The following TUB variants were observed in gnomAD, a reference collection of about 807,000 sequenced individuals.
TUB encodes tubby protein homolog.
TUB carries 33 observed loss-of-function variants against 59.7 expected under a neutral mutation model. The observed-to-expected ratio is 0.55, with a 90% CI of 0.42 to 0.74. The LOEUF is 0.74. Ranked by LOEUF, TUB falls within the 30% of genes least tolerant of loss-of-function variation. TUB has a pLI of 0.00. For synonymous variants in TUB, 293 were observed against 256.4 expected (o/e 1.14, Z -1.36); for missense variants, 659 against 672.0 (o/e 0.98, Z 0.21).
At chr11:8,071,599 G>A (rs540875221) in intron 2 of TUB, among the ~76,000 whole-genome samples, 1 of 152,292 alleles carries the variant, frequency 6.6e-6, no homozygotes, top group South Asian at 2.1e-4. Flanking sequence ...AAGGAGCAAG[G>A]GAAGTTTTAT....
chr11:8,099,025 G>C (rs1415242918), intron 9 of TUB, 150 bp downstream of exon 9: 6 of 666,242 alleles, frequency 9.0e-6, no homozygotes, highest in Non-Finnish European at 1.6e-5. Context: ...CCTGGCCTAG[G>C]ACAGGGGCTC....
At chr11:8,088,248 G>A (rs1001299666) in intron 1 of TUB, among the ~76,000 whole-genome samples, 1 of 152,190 alleles carries the variant, frequency 6.6e-6, no homozygotes, top group Admixed American at 6.5e-5. Flanking sequence ...GGCCAAGGTG[G>A]TGGGCAGTCT....
chr11:8,033,114 G>C (rs1942599928), intron 1 of TUB, among the ~76,000 whole-genome samples: 1 of 152,176 alleles, frequency 6.6e-6, no homozygotes, highest in Admixed American at 6.5e-5. Flanking sequence ...GAGACAGGGA[G>C]CTCCAGAGGC....
Position 8,103,570 on chromosome 11 carries a change from C to G in TUB, c.*1951C>G, listed in dbSNP as rs1944396179. ...CTGCCCACACCTCGGCCGTACATCT[C>G]TGTGAGAGACCCCCTCCAACGATTA... On this transcript the variant is annotated 3_prime_UTR_variant, in exon 12 of 12. Transcript: ENST00000299506. 1 of 152,664 alleles carries G rather than the reference C, an allele frequency of 6.6e-6. No homozygotes were observed. Among genetic ancestry groups the G allele is most frequent in the East Asian group, 1.9e-4 (1 of 5,190 alleles). The allele number at this position is 152,664 out of a possible 1,614,324, so 9.5% of individuals were successfully genotyped here.
At chr11:8,027,352 A>C (rs1942513523) in intron 1 of TUB, among the ~76,000 whole-genome samples, 1 of 152,192 alleles carries the variant, frequency 6.6e-6, no homozygotes. Context: ...ATTTCGTATA[A>C]CGAAATCATA....
chr11:8,075,984 GT>G (rs1294147862), intron 2 of TUB: 2 of 152,216 alleles, frequency 1.3e-5, no homozygotes, highest in Non-Finnish European at 2.9e-5. Flanking sequence ...CATCGCTGGA[GT>G]CTCACCCTGC....
chr11:8,081,885 G>A (rs1329371625), intron 1 of TUB, among the ~76,000 whole-genome samples: 2 of 152,190 alleles, frequency 1.3e-5, no homozygotes, highest in Non-Finnish European at 2.9e-5. Flanking sequence ...CCTGTGCAGG[G>A]TGCGCGCACA....
chr11:8,081,794 C>T (rs545449853), intron 1 of TUB, among the ~76,000 whole-genome samples: 1 of 152,330 alleles, frequency 6.6e-6, no homozygotes, highest in East Asian at 1.9e-4. Context: ...CTTGTTGGGT[C>T]AGGCAGCACC....
intron 1 of TUB, among the ~76,000 whole-genome samples, chr11:8,028,459 T>A (rs1052057074): frequency 2.0e-5 from 3 of 152,238 alleles, no homozygotes; most frequent in African/African-American, 7.2e-5. Flanking sequence ...TTGTCTTTTT[T>A]CTGTTGGTTA....
intron 1 of TUB, among the ~76,000 whole-genome samples, chr11:8,082,263 G>A (rs7949525): frequency 0.047 from 7,208 of 152,260 alleles, 545 homozygotes; most frequent in African/African-American, 0.16. Flanking sequence ...CATGCAGAAA[G>A]GCACTCAAGA....
upstream of TUB, among the ~76,000 whole-genome samples, chr11:8,035,037 C>T (rs190108457): frequency 4.1e-3 from 620 of 152,368 alleles, 8 homozygotes; most frequent in African/African-American, 0.014. Context: ...CTCCTTCCTG[C>T]TCCTGACTCA....
intron 2 of TUB, among the ~76,000 whole-genome samples, chr11:8,066,107 G>A (rs1211078425): frequency 6.6e-6 from 1 of 152,172 alleles, no homozygotes; most frequent in East Asian, 1.9e-4. Flanking sequence ...AGGGGCCCGG[G>A]GGGAGGCTGC....
chr11:8,089,970 T>G, intron 2 of TUB, 99 bp from the exon 3 acceptor site: 1 of 1,436,268 alleles, frequency 7.0e-7, no homozygotes, highest in Non-Finnish European at 9.2e-7. Flanking sequence ...GCCAAGGACA[T>G]GGGGCCTTGG....
At chr11:8,097,974 A>G in intron 8 of TUB, 148 bp downstream of exon 8, 1 of 655,754 alleles carries the variant, frequency 1.5e-6, no homozygotes, top group East Asian at 2.7e-5. Flanking sequence ...ATCCAACTGG[A>G]GGCCTATGTC....
intron 2 of TUB, among the ~76,000 whole-genome samples, chr11:8,075,018 T>C (rs1382300298): frequency 6.6e-6 from 1 of 152,056 alleles, no homozygotes; most frequent in African/African-American, 2.4e-5. Flanking sequence ...GTGCTGGGGT[T>C]ACAGGCAGGA....
chr11:8,020,108 C>T (rs1057380726), intron 1 of TUB, among the ~76,000 whole-genome samples: 2 of 152,248 alleles, frequency 1.3e-5, no homozygotes, highest in African/African-American at 2.4e-5. Flanking sequence ...TAGGTTATGC[C>T]TGTTCTACCT....
intron 1 of TUB, among the ~76,000 whole-genome samples, chr11:8,025,330 G>C (rs1942486005): frequency 6.6e-6 from 1 of 152,162 alleles, no homozygotes; most frequent in East Asian, 1.9e-4. Flanking sequence ...AGAGCTGAAA[G>C]AGGCGAGGGA....
Position 8,081,657 on chromosome 11 carries a change from G to C in TUB, c.38+109G>C, listed in dbSNP as rs536962536. The C allele has an allele frequency of 2.0e-5, 24 of 1,217,326 alleles. No homozygotes were observed. The South Asian group carries it at 5.1e-4, about 26-fold the overall frequency. 75.4% of individuals were successfully genotyped at this position (1,217,326 alleles called of 1,614,324 possible). A position where few individuals can be genotyped will look rare whatever the true frequency, so the allele number is the denominator to read the frequency against. On this transcript the variant is annotated intron_variant, in intron 1 of 11. Coordinates refer to ENST00000299506, the MANE Select transcript of TUB (RefSeq NM_177972.3). ...ACCGCTGCCCTCCCCACCTATCCCA[G>C]CACTGGGGCGCGGGTTGGAGTCGCT... is the stretch of plus-strand genomic sequence containing the variant.
chr11:8,096,567 A>C (rs1169812652), intron 5 of TUB, 118 bp from the exon 6 acceptor site: 10 of 736,596 alleles, frequency 1.4e-5, no homozygotes, highest in Non-Finnish European at 2.5e-5. Context: ...GAGTGTGTGC[A>C]TAAGTTTGTG....
Sources: allele counts gnomAD v4.1 joint callset (sites outside exome capture counted in the v4.1 genomes callset), GRCh38; gene constraint gnomAD v4.1.1; transcripts MANE v1.5; gene names NCBI Gene and HGNC (gene_info 2026-07-23, HGNC 2026-07-21).